FBN3: variants seen among roughly 807,000 people sequenced by gnomAD.
FBN3 encodes fibrillin 3, also known as fibrillin-3.
FBN3 carries 234 observed loss-of-function variants against 330.1 expected under a neutral mutation model. The ratio of observed to expected loss-of-function variants is 0.71; its 90% CI spans 0.64 to 0.79. FBN3 has a LOEUF of 0.79. Among genes scored for constraint, FBN3 ranks in the 30% least tolerant of loss-of-function variants. The probability of loss-of-function intolerance (pLI) is 0.00; values close to 1 mark genes in which losing one functional copy is unlikely to be tolerated. For missense variants in FBN3, 3,606 were observed against 3,886.9 expected (o/e 0.93, Z 1.92); for synonymous variants, 1,458 against 1,517.3 (o/e 0.96, Z 0.91).
chr19:8,083,725 C>T (rs566657713), intron 56 of FBN3, among the ~76,000 whole-genome samples: 6 of 152,138 alleles, frequency 3.9e-5, no homozygotes, highest in South Asian at 2.1e-4. Flanking sequence ...CGGGAACACA[C>T]GCCAACACTC....
chr19:8,120,063 C>T (rs569247443), intron 25 of FBN3, among the ~76,000 whole-genome samples: 5 of 151,870 alleles, frequency 3.3e-5, no homozygotes, highest in African/African-American at 1.2e-4. Flanking sequence ...TCAAGCAATC[C>T]TGTCTCAGCC....
intron 54 of FBN3, among the ~76,000 whole-genome samples, chr19:8,086,764 A>G (rs11667465): frequency 0.97 from 146,781 of 151,486 alleles, 71,205 homozygotes; most frequent in African/African-American, 0.99. Flanking sequence ...CACCGTGCCC[A>G]GCCTTATTTT....
In FBN3 at chr19:8,089,641, C is replaced by T. The variant is rs779882538; in HGVS notation, c.6280G>A (p.Val2094Ile). 19 of 1,614,066 alleles carry T rather than the reference C, an allele frequency of 1.2e-5. No individual in the cohort carries two copies. In the African/African-American group the frequency reaches 2.1e-4, roughly 18 times the overall value. Residue 2094 changes from valine (V) to isoleucine (I), a missense_variant, in exon 51 of 64, where the codon GTC becomes ATC. Transcript: ENST00000600128. ...DVNECAENPG[V>I]CTNGVCVNTD... is the part of the protein sequence containing the mutation. The stretch of plus-strand genomic sequence containing the variant: ...TTGACACAGACGCCGTTAGTGCAGA[C>T]GCCAGGGTTCTCTGCACACTCATTC...
At chr19:8,085,259 T>G in intron 56 of FBN3, 104 bp downstream of exon 56, 1 of 646,838 alleles carries the variant, frequency 1.5e-6, no homozygotes, top group East Asian at 3.5e-5. Flanking sequence ...ACACACACAG[T>G]GTGGCTCACA....
At chr19:8,116,064 A>G (rs2082698162) in intron 29 of FBN3, among the ~76,000 whole-genome samples, 1 of 152,096 alleles carries the variant, frequency 6.6e-6, no homozygotes, top group Non-Finnish European at 1.5e-5. Context: ...CCATCGCTGA[A>G]GCACTTGCTC....
chr19:8,115,014 C>A (rs995495106), intron 30 of FBN3, among the ~76,000 whole-genome samples: 6 of 152,138 alleles, frequency 3.9e-5, no homozygotes, highest in Non-Finnish European at 5.9e-5. Context: ...GATTACTATG[C>A]CTGGCTAATT....
chr19:8,085,663 G>A, intron 55 of FBN3, 94 bp from the exon 56 acceptor site: 2 of 997,860 alleles, frequency 2.0e-6, no homozygotes, highest in South Asian at 1.8e-5. Flanking sequence ...TATTTTGGGG[G>A]TGTTGGGGAC....
At position 8,129,194 on chromosome 19, in the gene FBN3, G is replaced by A. The variant is rs766725541; in HGVS notation, c.2171-41C>T. Reference sequence around the variant, plus strand: ...GGGAGAGAGGGGTGAGGGGTCTGCAGTGGGAGAGGCTGCCCACACATCCGC... The same window carrying A: ...GGGAGAGAGGGGTGAGGGGTCTGCAATGGGAGAGGCTGCCCACACATCCGC... On this transcript the variant is annotated intron_variant, in intron 17 of 63. Transcript: ENST00000600128. This position sits in a 1 kb window ranked among gnomAD's most constrained non-coding sequence, Gnocchi z 4.5. 1.6e-5 allele frequency: 25 copies of A among 1,612,348 alleles called. No homozygotes were observed. The South Asian group carries it at 2.6e-4, about 17-fold the overall frequency.
At chr19:8,142,754 C>A (rs1185682932) in intron 6 of FBN3, among the ~76,000 whole-genome samples, 1 of 152,048 alleles carries the variant, frequency 6.6e-6, no homozygotes. Context: ...AAGCCAAACT[C>A]ACCCCCAACT....
At chr19:8,089,771 G>A (rs1274218594) in intron 50 of FBN3, 101 bp from the exon 51 acceptor site, 4 of 1,565,428 alleles carry the variant, frequency 2.6e-6, no homozygotes, top group East Asian at 2.2e-5. Flanking sequence ...CCAAGCCCCA[G>A]GCTGGCAGGG....
At chr19:8,107,365 A>C (rs1599357721) in intron 37 of FBN3, among the ~76,000 whole-genome samples, 1 of 85,614 alleles carries the variant, frequency 1.2e-5, no homozygotes, top group African/African-American at 4.8e-5. Context: ...GAGGGGAATA[A>C]GTGGGGGGAT....
chr19:8,115,710 T>C, intron 29 of FBN3, 70 bp from the exon 30 acceptor site: 8 of 1,554,984 alleles, frequency 5.1e-6, no homozygotes, highest in Non-Finnish European at 5.3e-6. Flanking sequence ...TAGGTGAGGG[T>C]GGGAGGGAGA....
At chr19:8,102,654 G>A in intron 40 of FBN3, 70 bp downstream of exon 40, 1 of 1,455,984 alleles carries the variant, frequency 6.9e-7, no homozygotes, top group Non-Finnish European at 9.5e-7. Flanking sequence ...AACCCTAAGG[G>A]CACTGTGTTT....
intron 62 of FBN3, 54 bp downstream of exon 62, chr19:8,073,009 G>T: frequency 8.7e-7 from 1 of 1,143,880 alleles, no homozygotes; most frequent in Non-Finnish European, 1.3e-6. Flanking sequence ...GTGTGCGTGC[G>T]TGCATGGACG....
chr19:8,128,062 T>C (rs926203869), intron 18 of FBN3, among the ~76,000 whole-genome samples: 3 of 152,170 alleles, frequency 2.0e-5, no homozygotes, highest in African/African-American at 4.8e-5. Flanking sequence ...ATGGAAGAGA[T>C]GCACGGTGCA....
In FBN3 at chr19:8,145,828, C is replaced by T. The variant is rs1333574994; in HGVS notation, c.445+15G>A. 1.3e-6 allele frequency: 2 copies of T among 1,545,028 alleles called. No individual in the cohort carries two copies. The highest frequency in any genetic ancestry group is 8.8e-7 in the Non-Finnish European group (1 of 1,141,684). On this transcript the variant is annotated intron_variant, in intron 5 of 63. Transcript: ENST00000600128. ...CCCAGGTGTGCAAAGAGGGGAGTCC[C>T]ATGGGGATACTCACGCTGCCCACAC...
chr19:8,079,589 A>ATTGTTTGT (rs113805006), intron 59 of FBN3, among the ~76,000 whole-genome samples: 2 of 150,666 alleles, frequency 1.3e-5, no homozygotes, highest in Non-Finnish European at 3.0e-5. Flanking sequence ...TATTCTGTTA[A>ATTGTTTGT]TTGTTTGTTT....
At chr19:8,145,020 G>A (rs745551028) in intron 5 of FBN3, 48 bp from the exon 6 acceptor site, 1 of 1,486,628 alleles carries the variant, frequency 6.7e-7, no homozygotes, top group Non-Finnish European at 9.3e-7. Flanking sequence ...GCAGCAGAGA[G>A]AGCTGGGGTT....
intron 59 of FBN3, among the ~76,000 whole-genome samples, chr19:8,077,629 ACT>A (rs1037406994): frequency 1.9e-4 from 29 of 152,106 alleles, no homozygotes; most frequent in Non-Finnish European, 5.9e-5. Flanking sequence ...ACAGAGTGAG[ACT>A]CTGTCTCAAA....
Sources: gnomAD v4.1 joint callset for allele counts (sites outside exome capture counted in the v4.1 genomes callset) on GRCh38, gnomAD v4.1.1 for gene constraint, Gnocchi (gnomAD v3.1) non-coding constraint, MANE v1.5 for transcripts, NCBI Gene and HGNC (gene_info 2026-07-23, HGNC 2026-07-21) for gene names.